PCDH15: variants seen among roughly 807,000 people sequenced by gnomAD.
The protein encoded by PCDH15 is protocadherin related 15.
In PCDH15, 129 loss-of-function variants were observed where a neutral mutation model predicts 178.5. That is an observed-to-expected ratio of 0.72 (90% confidence interval 0.63 to 0.84). The LOEUF (loss-of-function observed/expected upper bound fraction) is 0.84. PCDH15 is among the 40% of genes least tolerant of loss of function. PCDH15 has a pLI of 0.00. For synonymous variants in PCDH15, 800 were observed against 732.0 expected, an observed-to-expected ratio of 1.09 and a Z score of -1.50; for missense variants, 2,230 against 2,099.9, an observed-to-expected ratio of 1.06 and a Z score of -1.21.
intron 3 of PCDH15, among the ~76,000 whole-genome samples, chr10:54,841,900 G>C (rs1204301809): frequency 1.3e-5 from 2 of 151,736 alleles, no homozygotes; most frequent in Non-Finnish European, 3.0e-5. Context: ...GTGATGTCTA[G>C]ACTGATAATT....
chr10:54,226,522 G>A (rs181283429), intron 9 of PCDH15, among the ~76,000 whole-genome samples: 3 of 152,260 alleles, frequency 2.0e-5, no homozygotes, highest in East Asian at 3.9e-4. Context: ...AGCATAGTGA[G>A]ATCCCATCTC....
At chr10:54,015,132 G>A (rs2610868) in intron 20 of PCDH15, among the ~76,000 whole-genome samples, 115,126 of 151,924 alleles carry the variant, frequency 0.76, 43,852 homozygotes, top group Middle Eastern at 0.86. Flanking sequence ...CAAGCTGAGG[G>A]CCAAATCAAG....
At chr10:55,552,584 GT>G (rs1157776178) in intron 2 of PCDH15, among the ~76,000 whole-genome samples, 1 of 151,296 alleles carries the variant, frequency 6.6e-6, no homozygotes, top group African/African-American at 2.4e-5. Context: ...AGAACAAGTA[GT>G]TAATTAGCAC....
chr10:54,611,263 A>C (rs1358022808), intron 2 of PCDH15, among the ~76,000 whole-genome samples: 1 of 151,882 alleles, frequency 6.6e-6, no homozygotes, highest in Non-Finnish European at 1.5e-5. Context: ...GATATGTATC[A>C]GTAATATTGA....
At chr10:53,936,776 A>G (rs1589512109) in intron 25 of PCDH15, among the ~76,000 whole-genome samples, 1 of 152,144 alleles carries the variant, frequency 6.6e-6, no homozygotes, top group Admixed American at 6.5e-5. Flanking sequence ...AATGAATTAC[A>G]CTTCTGATTT....
chr10:55,605,441 C>CA (rs1332915249), intron 2 of PCDH15, among the ~76,000 whole-genome samples: 1 of 150,192 alleles, frequency 6.7e-6, no homozygotes, highest in South Asian at 2.1e-4. Context: ...GAGACACAAC[C>CA]AAAAAAGACA....
chr10:54,598,245 A>G (rs563391584), intron 2 of PCDH15, among the ~76,000 whole-genome samples: 2 of 152,230 alleles, frequency 1.3e-5, no homozygotes, highest in South Asian at 4.1e-4. Context: ...AATACTACCC[A>G]GCTGAATCCA....
At chr10:54,788,208 G>A (rs1271614902) in intron 1 of PCDH15, among the ~76,000 whole-genome samples, 1 of 151,904 alleles carries the variant, frequency 6.6e-6, no homozygotes, top group Admixed American at 6.6e-5. Flanking sequence ...AAACAGGGCT[G>A]ATATATGGGT....
At chr10:54,407,702 G>A (rs1373836984) in intron 3 of PCDH15, among the ~76,000 whole-genome samples, 1 of 152,014 alleles carries the variant, frequency 6.6e-6, no homozygotes, top group African/African-American at 2.4e-5. Context: ...AGGAGAACGT[G>A]CTTCACTATT....
At chr10:55,283,455 A>T (rs1842785557) in intron 1 of PCDH15, among the ~76,000 whole-genome samples, 3 of 151,822 alleles carry the variant, frequency 2.0e-5, no homozygotes, top group African/African-American at 7.3e-5. Context: ...CATGAATTAA[A>T]CTCTTTCTCT....
intron 1 of PCDH15, among the ~76,000 whole-genome samples, chr10:54,703,341 C>CTTT (rs1362504466): frequency 6.6e-6 from 1 of 152,010 alleles, no homozygotes; most frequent in Non-Finnish European, 1.5e-5. Context: ...CCCACTCCTA[C>CTTT]CATTCCTATT....
At chr10:55,480,097 C>T (rs2132116520) in intron 2 of PCDH15, among the ~76,000 whole-genome samples, 1 of 151,642 alleles carries the variant, frequency 6.6e-6, no homozygotes, top group South Asian at 2.1e-4. Context: ...GGTAGTATGT[C>T]ATTGTAATGT....
intron 26 of PCDH15, among the ~76,000 whole-genome samples, chr10:53,888,332 G>A (rs796657981): frequency 3.7e-3 from 154 of 41,900 alleles, no homozygotes; most frequent in South Asian, 8.0e-3. Context: ...GTATATATAT[G>A]TACGTATATA....
intron 20 of PCDH15, among the ~76,000 whole-genome samples, chr10:53,997,353 T>C (rs2091904813): frequency 6.6e-6 from 1 of 151,916 alleles, no homozygotes; most frequent in Non-Finnish European, 1.5e-5. Context: ...CATTCACACA[T>C]TTTCGTGCCC....
At chr10:54,098,188 AGTTGTGTGTGTGT>A (rs997321869) in intron 15 of PCDH15, among the ~76,000 whole-genome samples, 13 of 128,574 alleles carry the variant, frequency 1.0e-4, no homozygotes, top group African/African-American at 3.5e-4. Context: ...GAGAAAATAA[AGTTGTGTGTGTGT>A]GTGTGTGTGT....
intron 2 of PCDH15, among the ~76,000 whole-genome samples, chr10:55,070,206 AATT>A (rs1267771415): frequency 6.6e-6 from 1 of 151,962 alleles, no homozygotes; most frequent in Non-Finnish European, 1.5e-5. Flanking sequence ...AGGTTGCGAA[AATT>A]TTCTTCCATT....
intron 1 of PCDH15, among the ~76,000 whole-genome samples, chr10:55,290,063 A>C (rs1842969282): frequency 6.6e-6 from 1 of 151,712 alleles, no homozygotes; most frequent in South Asian, 2.1e-4. Context: ...GTAATAAATA[A>C]ATTTTTCTTT....
At chr10:54,237,629 T>C (rs1302703298) in intron 8 of PCDH15, among the ~76,000 whole-genome samples, 1 of 152,192 alleles carries the variant, frequency 6.6e-6, no homozygotes, top group Non-Finnish European at 1.5e-5. Context: ...TTGCCAACCA[T>C]ATGGTCTATG....
intron 2 of PCDH15, among the ~76,000 whole-genome samples, chr10:55,584,836 G>T (rs1298015467): frequency 6.6e-6 from 1 of 151,276 alleles, no homozygotes; most frequent in Non-Finnish European, 1.5e-5. Context: ...AAAATGTTAG[G>T]CTATAAATAC....
Sources: allele counts gnomAD v4.1 joint callset (sites outside exome capture counted in the v4.1 genomes callset), GRCh38; gene constraint gnomAD v4.1.1; transcripts MANE v1.5; gene names NCBI Gene and HGNC (gene_info 2026-07-23, HGNC 2026-07-21).